Variants in ZSWIM5 observed in about 807,000 individuals in gnomAD.
The protein encoded by ZSWIM5 is zinc finger SWIM-type containing 5.
In ZSWIM5, 55 loss-of-function variants were observed where a neutral mutation model predicts 119.6. That is an observed-to-expected ratio of 0.46 (90% CI 0.37 to 0.58). The LOEUF is 0.58. ZSWIM5 is among the 20% of genes least tolerant of loss of function. ZSWIM5 has a pLI of 0.00. For synonymous variants in ZSWIM5, 537 were observed against 606.9 expected (o/e 0.88, Z 1.69); for missense variants, 1,193 against 1,512.8 (o/e 0.79, Z 3.51).
intron 1 of ZSWIM5, among the ~76,000 whole-genome samples, chr1:45,205,049 C>G (rs1364775119): frequency 6.6e-6 from 1 of 151,608 alleles, no homozygotes; most frequent in Non-Finnish European, 1.5e-5. Context: ...TTTTGAAAAA[C>G]CCAGCGTGAC....
At chr1:45,024,697 C>T (rs550953585) in intron 11 of ZSWIM5, among the ~76,000 whole-genome samples, 1 of 152,024 alleles carries the variant, frequency 6.6e-6, no homozygotes, top group Admixed American at 6.6e-5. Context: ...CTCTGTCGCC[C>T]AGGCTGGAGT....
chr1:45,023,303 C>T (rs1162285425), intron 11 of ZSWIM5, among the ~76,000 whole-genome samples: 12 of 152,144 alleles, frequency 7.9e-5, no homozygotes. Flanking sequence ...ATAGTTTTGC[C>T]TTTTCCAGCA....
At chr1:45,108,740 A>G (rs985366794) in intron 1 of ZSWIM5, among the ~76,000 whole-genome samples, 5 of 152,234 alleles carry the variant, frequency 3.3e-5, no homozygotes, top group Admixed American at 2.6e-4. Flanking sequence ...AATTCCAGCT[A>G]GCTCCTTTAT....
chr1:45,166,594 C>T (rs1645905328), intron 1 of ZSWIM5, among the ~76,000 whole-genome samples: 1 of 152,102 alleles, frequency 6.6e-6, no homozygotes, highest in Non-Finnish European at 1.5e-5. Flanking sequence ...CCCAAAATCT[C>T]CTTAAGCTGA....
rs1298491280 is a variant in ZSWIM5, at chr1:45,057,845, C to A, written c.1252+764G>T. ...GTGAGGCCATTAGAAGGTCACAGTT[C>A]TAATCTAATCTAAAAGTTTCACGGG... is the stretch of plus-strand genomic sequence containing the variant. On this transcript the variant is annotated intron_variant, in intron 4 of 13. Transcript: ENST00000359600. This position sits in a 1 kb window ranked among gnomAD's most constrained non-coding sequence, Gnocchi z 4.7. Among the ~76,000 whole-genome samples, 1 of 152,146 alleles carries A rather than the reference C, an allele frequency of 6.6e-6. No individual in the cohort carries two copies. Among genetic ancestry groups the A allele is most frequent in the Non-Finnish European group, 1.5e-5 (1 of 68,038 alleles).
At chr1:45,050,326 C>T (rs1013307442) in intron 5 of ZSWIM5, among the ~76,000 whole-genome samples, 3 of 152,146 alleles carry the variant, frequency 2.0e-5, no homozygotes, top group Non-Finnish European at 4.4e-5. Flanking sequence ...CACTGCACTC[C>T]AGCCTGGGGG....
chr1:45,165,833 C>G (rs1195435457), intron 1 of ZSWIM5, among the ~76,000 whole-genome samples: 2 of 152,048 alleles, frequency 1.3e-5, no homozygotes, highest in Non-Finnish European at 2.9e-5. Context: ...TAATAGCCTA[C>G]CAACCAAAAA....
At chr1:45,175,576 A>C (rs1413979904) in intron 1 of ZSWIM5, among the ~76,000 whole-genome samples, 1 of 151,840 alleles carries the variant, frequency 6.6e-6, no homozygotes, top group Non-Finnish European at 1.5e-5. Flanking sequence ...CAGCCTCCTA[A>C]AGTAGCTGAG....
At chr1:45,125,564 A>G (rs1645615948) in intron 1 of ZSWIM5, among the ~76,000 whole-genome samples, 1 of 151,908 alleles carries the variant, frequency 6.6e-6, no homozygotes, top group Non-Finnish European at 1.5e-5. Flanking sequence ...TCACGAGGTC[A>G]GGAGTTTGAG....
chr1:45,085,242 C>T (rs574975950), intron 2 of ZSWIM5, among the ~76,000 whole-genome samples: 1 of 152,322 alleles, frequency 6.6e-6, no homozygotes, highest in Admixed American at 6.5e-5. Flanking sequence ...GAGCAGTGTC[C>T]TAAGGAGCAG....
At chr1:45,115,608 C>T (rs1384986096) in intron 1 of ZSWIM5, among the ~76,000 whole-genome samples, 1 of 151,290 alleles carries the variant, frequency 6.6e-6, no homozygotes, top group East Asian at 2.0e-4. Flanking sequence ...TCGTCACTTC[C>T]CAGACGGGAT....
intron 1 of ZSWIM5, among the ~76,000 whole-genome samples, chr1:45,168,384 G>A (rs548035541): frequency 6.6e-6 from 1 of 152,074 alleles, no homozygotes; most frequent in African/African-American, 2.4e-5. Flanking sequence ...TAATGTAAAT[G>A]ACGAGTTAAT....
intron 1 of ZSWIM5, among the ~76,000 whole-genome samples, chr1:45,113,001 TA>T (rs1645527237): frequency 6.6e-6 from 1 of 152,228 alleles, no homozygotes; most frequent in South Asian, 2.1e-4. Context: ...TCTGAATGCT[TA>T]ATTGATTCTA....
intron 5 of ZSWIM5, among the ~76,000 whole-genome samples, chr1:45,043,604 T>G (rs1319553704): frequency 6.6e-6 from 1 of 152,238 alleles, no homozygotes; most frequent in African/African-American, 2.4e-5. Flanking sequence ...CCTTCTTGGA[T>G]AAGCTTTCAG....
intron 1 of ZSWIM5, among the ~76,000 whole-genome samples, chr1:45,111,385 G>T (rs1645516790): frequency 6.6e-6 from 1 of 152,198 alleles, no homozygotes; most frequent in African/African-American, 2.4e-5. Context: ...CAGTGGGAAG[G>T]CCTGGCAACA....
chr1:45,168,315 G>A (rs772446181), intron 1 of ZSWIM5, among the ~76,000 whole-genome samples: 1 of 151,742 alleles, frequency 6.6e-6, no homozygotes, highest in Non-Finnish European at 1.5e-5. Context: ...CACACACCAG[G>A]GCCTGTCGTG....
Position 45,060,219 on chromosome 1 carries a change from G to A in ZSWIM5, c.981C>T (p.Ser327=). The change falls in exon 3 of 14, where the codon AGC becomes AGT. Residue 327 remains serine, a synonymous_variant. Transcript: ENST00000359600. ...NGAPDPTAGA[S]IDDENCWHLD... is the part of the protein sequence containing the mutation. ...AATGCCAACAGTTCTCATCGTCAAT[G>A]CTGGCCCCAGCTGTGGGGTCAGGGG... 2 of 1,613,972 alleles carry A rather than the reference G, an allele frequency of 1.2e-6. No homozygotes were observed. Among genetic ancestry groups the A allele is most frequent in the Non-Finnish European group, 1.7e-6 (2 of 1,180,014 alleles).
At chr1:45,162,940 A>C (rs1645872929) in intron 1 of ZSWIM5, among the ~76,000 whole-genome samples, 1 of 152,232 alleles carries the variant, frequency 6.6e-6, no homozygotes, top group Admixed American at 6.5e-5. Context: ...GCAGACTTAA[A>C]CATCCCTGTC....
chr1:45,079,558 C>G (rs1337013183), intron 2 of ZSWIM5, among the ~76,000 whole-genome samples: 1 of 152,154 alleles, frequency 6.6e-6, no homozygotes, highest in Admixed American at 6.5e-5. Flanking sequence ...AAAAGCCATC[C>G]AAGAGCCAAG....
Sources: gnomAD v4.1 joint callset for allele counts (sites outside exome capture counted in the v4.1 genomes callset) on GRCh38, gnomAD v4.1.1 for gene constraint, Gnocchi (gnomAD v3.1) non-coding constraint, MANE v1.5 for transcripts, NCBI Gene and HGNC (gene_info 2026-07-23, HGNC 2026-07-21) for gene names.